Variants in MELK observed in about 807,000 individuals in gnomAD.
MELK encodes the protein maternal embryonic leucine zipper kinase.
MELK carries 81 observed loss-of-function variants against 85.0 expected under a neutral mutation model. The observed-to-expected ratio is 0.95, with a 90% CI of 0.80 to 1.15. The LOEUF (loss-of-function observed/expected upper bound fraction) is 1.15, where lower values mean the gene tolerates loss of function less well. Among genes scored for constraint, MELK ranks in the 50% most tolerant of loss-of-function variants. The pLI, the probability that MELK is intolerant of heterozygous loss-of-function variation, is 0.00. For missense variants in MELK, 754 were observed against 777.5 expected (o/e 0.97, Z 0.36); for synonymous variants, 252 against 265.0 (o/e 0.95, Z 0.48).
chr9:36,613,293 T>C (rs1826229257), intron 8 of MELK, among the ~76,000 whole-genome samples: 1 of 152,256 alleles, frequency 6.6e-6, no homozygotes, highest in Admixed American at 6.5e-5. Context: ...TGTTTATGTG[T>C]TCATTTGTTT....
rs1255151588 is a variant in MELK at position 36,607,465 on chromosome 9, GT to G, written c.568-108del. 5.0e-6 allele frequency: 4 copies of G among 805,100 alleles called. No homozygotes were observed. The Admixed American group carries it at 8.6e-5, about 17-fold the overall frequency. 49.9% of individuals were successfully genotyped at this position (805,100 alleles called of 1,614,324 possible). On this transcript the variant is annotated intron_variant, in intron 7 of 17. Coordinates refer to ENST00000298048, the MANE Select transcript of MELK (RefSeq NM_014791.4). ...GCAGGTTGAAATGGTTGATATCTGA[GT>G]TCTTTTTTAGCTTTGCGACAATTCT...
chr9:36,609,409 A>G (rs981164618), intron 8 of MELK, among the ~76,000 whole-genome samples: 8 of 152,012 alleles, frequency 5.3e-5, no homozygotes, highest in African/African-American at 1.9e-4. Context: ...TCAGACTAGC[A>G]GAGCAGCATC....
At chr9:36,604,943 A>ATTAT (rs1554719787) in intron 7 of MELK, among the ~76,000 whole-genome samples, 2 of 149,554 alleles carry the variant, frequency 1.3e-5, no homozygotes, top group Non-Finnish European at 3.0e-5. Context: ...GCGCCCAGCC[A>ATTAT]TTATTTATTT....
At chr9:36,659,216 A>G (rs950128869) in intron 13 of MELK, among the ~76,000 whole-genome samples, 1 of 152,064 alleles carries the variant, frequency 6.6e-6, no homozygotes, top group East Asian at 1.9e-4. Context: ...GGGTTTCACC[A>G]TATTGGCCAG....
chr9:36,603,421 C>T (rs146625815), intron 7 of MELK, among the ~76,000 whole-genome samples: 25 of 151,988 alleles, frequency 1.6e-4, no homozygotes, highest in African/African-American at 5.3e-4. Flanking sequence ...TTCTCTCTTC[C>T]TCCCAATTAT....
intron 11 of MELK, among the ~76,000 whole-genome samples, chr9:36,645,577 C>T (rs563038989): frequency 3.3e-5 from 5 of 152,268 alleles, no homozygotes; most frequent in African/African-American, 4.8e-5. Flanking sequence ...GTTCATACTT[C>T]GTTGAGTCCC....
chr9:36,612,316 G>A (rs886961576), intron 8 of MELK, among the ~76,000 whole-genome samples: 1 of 152,068 alleles, frequency 6.6e-6, no homozygotes, highest in Admixed American at 6.6e-5. Context: ...AGCTGGTCTC[G>A]AACTCCTGAC....
At chr9:36,595,428 G>A (rs902946548) in intron 5 of MELK, among the ~76,000 whole-genome samples, 22 of 151,736 alleles carry the variant, frequency 1.4e-4, no homozygotes, top group Non-Finnish European at 4.4e-5. Flanking sequence ...GATCCACCGC[G>A]CCCGGCCAGG....
chr9:36,619,536 G>A (rs1827194386), intron 8 of MELK, among the ~76,000 whole-genome samples: 1 of 152,084 alleles, frequency 6.6e-6, no homozygotes, highest in African/African-American at 2.4e-5. Context: ...CTAAAATTTT[G>A]CATATTCACC....
chr9:36,604,355 T>A (rs1240902054), intron 7 of MELK, among the ~76,000 whole-genome samples: 1 of 137,462 alleles, frequency 7.3e-6, no homozygotes, highest in African/African-American at 2.7e-5. Flanking sequence ...CTCGGCTCAC[T>A]GCAACCTCTG....
chr9:36,582,619 A>C (rs1344230182), intron 2 of MELK, among the ~76,000 whole-genome samples: 1 of 152,216 alleles, frequency 6.6e-6, no homozygotes, highest in Non-Finnish European at 1.5e-5. Context: ...ACACATATAT[A>C]TGTATACACA....
Position 36,665,498 on chromosome 9 carries a change from C to T in MELK, c.1325C>T (p.Pro442Leu). Residue 442 changes from proline to leucine, a missense_variant, in exon 14 of 18, where the codon CCT becomes CTT. Pro to Leu is a moderately conservative substitution (Grantham distance 98). Coordinates refer to ENST00000298048, the MANE Select transcript of MELK (RefSeq NM_014791.4). ...AAGAATGAAGAGTACTTTATGTTTC[C>T]TGAGCCAAAGACTCCAGTTAATAAG... is the stretch of plus-strand genomic sequence containing the variant. ...AVKNEEYFMF[P>L]EPKTPVNKNQ... 1 of 1,613,842 alleles carries T rather than the reference C, an allele frequency of 6.2e-7. No individual in the cohort carries two copies. Among genetic ancestry groups the T allele is most frequent in the Non-Finnish European group, 8.5e-7 (1 of 1,179,890 alleles).
chr9:36,609,323 T>G (rs1338075170), intron 8 of MELK, among the ~76,000 whole-genome samples: 1 of 152,062 alleles, frequency 6.6e-6, no homozygotes, highest in Non-Finnish European at 1.5e-5. Flanking sequence ...ATAGGAAAAT[T>G]ATTTCAAAGC....
intron 14 of MELK, among the ~76,000 whole-genome samples, chr9:36,668,839 T>C (rs1832629514): frequency 6.6e-6 from 1 of 152,216 alleles, no homozygotes; most frequent in Admixed American, 6.5e-5. Context: ...TAATAACTTA[T>C]GTCAAGCTTT....
At chr9:36,575,450 A>C (rs1388900097) in intron 1 of MELK, among the ~76,000 whole-genome samples, 1 of 152,236 alleles carries the variant, frequency 6.6e-6, no homozygotes, top group Admixed American at 6.5e-5. Context: ...CTATTAGTGT[A>C]GGAGTTTGTA....
At chr9:36,660,477 C>T (rs543033881) in intron 13 of MELK, among the ~76,000 whole-genome samples, 3 of 152,014 alleles carry the variant, frequency 2.0e-5, no homozygotes, top group Non-Finnish European at 2.9e-5. Context: ...ACCACCATGC[C>T]CAGCTAATTT....
intron 9 of MELK, among the ~76,000 whole-genome samples, chr9:36,631,741 A>AT (rs556531568): frequency 1.5e-3 from 220 of 151,182 alleles, no homozygotes; most frequent in Non-Finnish European, 2.9e-3. Context: ...CACCTGACTA[A>AT]TTTTTTGTGT....
At chr9:36,613,267 C>T (rs1826226979) in intron 8 of MELK, among the ~76,000 whole-genome samples, 2 of 152,228 alleles carry the variant, frequency 1.3e-5, no homozygotes, top group Admixed American at 1.3e-4. Flanking sequence ...GTTCTCTAAT[C>T]AGAAAGACAA....
At chr9:36,593,194 T>A (rs10972985) in intron 4 of MELK, among the ~76,000 whole-genome samples, 14,308 of 149,732 alleles carry the variant, frequency 0.096, 721 homozygotes, top group Middle Eastern at 0.14. Flanking sequence ...TTTTTTTTTT[T>A]AATTATTGCC....
Sources: allele counts gnomAD v4.1 joint callset (sites outside exome capture counted in the v4.1 genomes callset), GRCh38; gene constraint gnomAD v4.1.1; transcripts MANE v1.5; gene names NCBI Gene and HGNC (gene_info 2026-07-23, HGNC 2026-07-21).